KIF13A: variants seen among roughly 807,000 people sequenced by gnomAD.
KIF13A encodes the protein kinesin-like protein KIF13A.
A neutral mutation model predicts 212.2 loss-of-function variants in KIF13A; 79 were observed. The ratio of observed to expected loss-of-function variants is 0.37; its 90% CI spans 0.31 to 0.45. KIF13A has a LOEUF of 0.45. Among genes scored for constraint, KIF13A ranks in the 20% least tolerant of loss-of-function variants. The probability of loss-of-function intolerance (pLI) is 1.00; values close to 1 mark genes in which losing one functional copy is unlikely to be tolerated. For missense variants in KIF13A, 1,901 were observed against 2,209.0 expected, an observed-to-expected ratio of 0.86 and a Z score of 2.79; for synonymous variants, 789 against 808.6, an observed-to-expected ratio of 0.98 and a Z score of 0.41.
chr6:17,878,840 C>G (rs1250316106), intron 3 of KIF13A, among the ~76,000 whole-genome samples: 2 of 152,062 alleles, frequency 1.3e-5, no homozygotes, highest in Non-Finnish European at 2.9e-5. Flanking sequence ...ATATTAAAAC[C>G]CTGCAGATGA....
At chr6:17,975,119 A>G (rs1780208687) in intron 2 of KIF13A, among the ~76,000 whole-genome samples, 2 of 152,320 alleles carry the variant, frequency 1.3e-5, no homozygotes, top group South Asian at 4.1e-4. Flanking sequence ...AGAGGAGGGC[A>G]GATCATTTGA....
rs1242475248 is a variant in KIF13A, at chr6:17,829,193, C to T, written c.1402-823G>A. On this transcript the variant is annotated intron_variant, in intron 13 of 38. Transcript: ENST00000259711. The surrounding 1 kb of genome is among the most constrained non-coding windows in gnomAD (Gnocchi z 5.4). Reference sequence around the variant, plus strand: ...AACTCCTGGCCTCAAGTGATCCGCCCGCCTTGGTCTCCCAAAGTTCTGGGA... The same window carrying T: ...AACTCCTGGCCTCAAGTGATCCGCCTGCCTTGGTCTCCCAAAGTTCTGGGA... Among the ~76,000 whole-genome samples, 3 of 152,140 alleles carry T rather than the reference C, an allele frequency of 2.0e-5. No homozygotes were observed. The highest frequency in any genetic ancestry group is 1.9e-4 in the East Asian group (1 of 5,188).
intron 34 of KIF13A, 99 bp from the exon 35 acceptor site, chr6:17,775,161 T>G: frequency 1.2e-6 from 1 of 860,716 alleles, no homozygotes; most frequent in Non-Finnish European, 1.8e-6. Flanking sequence ...AAGCCTGCAG[T>G]CTTCATTCTT....
At chr6:17,812,441 C>G (rs1047736992) in intron 17 of KIF13A, 1 of 152,144 alleles carries the variant, frequency 6.6e-6, no homozygotes, top group Non-Finnish European at 1.5e-5. Flanking sequence ...ATCTGGTGTT[C>G]TGTTCCTGCA....
At chr6:17,859,620 T>TTTTATATATATATATA (rs1485260645) in intron 4 of KIF13A, among the ~76,000 whole-genome samples, 6 of 131,556 alleles carry the variant, frequency 4.6e-5, no homozygotes, top group Non-Finnish European at 8.1e-5. Context: ...GCAATGTATT[T>TTTTATATATATATATA]TATATATATA....
rs550575546 is a variant in KIF13A at position 17,870,840 on chromosome 6, C to T, written c.220+2537G>A. Among the ~76,000 whole-genome samples, 5 of 152,244 alleles carry T rather than the reference C, an allele frequency of 3.3e-5. No homozygotes were observed. In the South Asian group the frequency reaches 1.0e-3, roughly 32 times the overall value. ...CACCATGGCTCTGTATCTTCCTTTA[C>T]GGAAAAGTCAAATGAAAATATCATT... On this transcript the variant is annotated intron_variant, in intron 4 of 38. Coordinates refer to ENST00000259711, the MANE Select transcript of KIF13A (RefSeq NM_022113.6).
intron 2 of KIF13A, among the ~76,000 whole-genome samples, chr6:17,941,259 G>C (rs1776936097): frequency 6.6e-6 from 1 of 152,094 alleles, no homozygotes; most frequent in Non-Finnish European, 1.5e-5. Context: ...AAATAGCCTG[G>C]TGCTATGAAC....
In KIF13A at chr6:17,870,234, T is replaced by C. The variant is rs753221731; in HGVS notation, c.220+3143A>G. On this transcript the variant is annotated intron_variant, in intron 4 of 38. Coordinates refer to ENST00000259711, the MANE Select transcript of KIF13A (RefSeq NM_022113.6). ...CCCAAATTTTTTAAGTAGACAGTGC[T>C]CTATGAGCTGGCAGAAGCCAATTTC... 3.9e-4 allele frequency among the ~76,000 whole-genome samples: 59 copies of C among 152,172 alleles called. 1 individual carries two copies. The highest frequency in any genetic ancestry group is 7.5e-4 in the Non-Finnish European group (51 of 68,024).
intron 3 of KIF13A, among the ~76,000 whole-genome samples, 198 bp from the exon 4 acceptor site, chr6:17,873,635 T>C (rs1361257305): frequency 1.3e-5 from 2 of 152,200 alleles, no homozygotes; most frequent in Non-Finnish European, 2.9e-5. Flanking sequence ...TCATCCAGGC[T>C]GGAGTGCAGT....
chr6:17,833,711 C>T (rs1371118311), intron 12 of KIF13A, among the ~76,000 whole-genome samples: 2 of 151,620 alleles, frequency 1.3e-5, no homozygotes, highest in Non-Finnish European at 2.9e-5. Context: ...TAAAAATTAG[C>T]CAGGCATGGT....
intron 2 of KIF13A, among the ~76,000 whole-genome samples, chr6:17,978,647 T>C (rs1363182807): frequency 6.6e-6 from 1 of 152,250 alleles, no homozygotes; most frequent in East Asian, 1.9e-4. Flanking sequence ...TTCTCTGCTC[T>C]TCTTCCAGGG....
In KIF13A at chr6:17,769,892, C is replaced by A. The variant is rs1759339352; in HGVS notation, c.4581+1222G>T. ...AGCTATTAATGTGCGGATTCTTCTCCATCAGGAACTAGGACAGGGCTTTGG... is the reference window on the plus strand; with the variant it reads ...AGCTATTAATGTGCGGATTCTTCTCAATCAGGAACTAGGACAGGGCTTTGG... On this transcript the variant is annotated intron_variant, in intron 38 of 38. Coordinates refer to ENST00000259711, the MANE Select transcript of KIF13A (RefSeq NM_022113.6). The surrounding 1 kb of genome is among the most constrained non-coding windows in gnomAD (Gnocchi z 5.8). 6.6e-6 allele frequency among the ~76,000 whole-genome samples: 1 copy of A among 152,034 alleles called. No individual in the cohort carries two copies. The highest frequency in any genetic ancestry group is 6.6e-5 in the Admixed American group (1 of 15,258).
chr6:17,828,616 C>T lies in KIF13A; in HGVS notation c.1402-246G>A, dbSNP rs143698675. Among the ~76,000 whole-genome samples the T allele has an allele frequency of 6.0e-3, 915 of 152,180 alleles. 12 individuals carry two copies. Among genetic ancestry groups the T allele is most frequent in the African/African-American group, 0.02 (847 of 41,526 alleles). ...AACAATGATTAGTTATTGTTTTTAA[C>T]ACAGGAAATTGGACTTGACAGTAGA... On this transcript the variant is annotated intron_variant, in intron 13 of 38. Transcript: ENST00000259711. This position sits in a 1 kb window ranked among gnomAD's most constrained non-coding sequence, Gnocchi z 4.3.
chr6:17,950,001 G>T (rs1257401502), intron 2 of KIF13A, among the ~76,000 whole-genome samples: 1 of 152,080 alleles, frequency 6.6e-6, no homozygotes, highest in African/African-American at 2.4e-5. Context: ...CCTAAACAAA[G>T]ACTTGTACTG....
At chr6:17,804,811 TAAAAAAAAAAAAA>T (rs56785510) in intron 19 of KIF13A, among the ~76,000 whole-genome samples, 2,902 of 23,386 alleles carry the variant, frequency 0.12, 140 homozygotes, top group South Asian at 0.34. Flanking sequence ...CTGTCTCCAT[TAAAAAAAAAAAAA>T]AAAAAAAAAA....
rs780050836 is a variant in KIF13A, at chr6:17,967,455, T to C, written c.146+19599A>G. On this transcript the variant is annotated intron_variant, in intron 2 of 38. Transcript: ENST00000259711. The surrounding 1 kb of genome is among the most constrained non-coding windows in gnomAD (Gnocchi z 4.1). ...AAAGCTATATTAAAAACAAAGTTCT[T>C]ATGAATAAAGAAAGAGAGAACTCAT... Among the ~76,000 whole-genome samples, 1 of 152,204 alleles carries C rather than the reference T, an allele frequency of 6.6e-6. No individual in the cohort carries two copies. The highest frequency in any genetic ancestry group is 1.5e-5 in the Non-Finnish European group (1 of 68,036).
rs202026754 is a variant in KIF13A at position 17,799,990 on chromosome 6, C to A, written c.2578G>T (p.Gly860Trp). The A allele has an allele frequency of 1.9e-6, 3 of 1,613,830 alleles. No individual in the cohort carries two copies. Among genetic ancestry groups the A allele is most frequent in the East Asian group, 4.5e-5 (2 of 44,894 alleles). Residue 860 changes from glycine (G) to tryptophan (W), a missense_variant, in exon 21 of 39, where the codon GGG (glycine) becomes TGG (tryptophan). By Grantham distance (184) the Gly-to-Trp change is radical. Transcript: ENST00000259711. The surrounding 1 kb of genome is among the most constrained non-coding windows in gnomAD (Gnocchi z 4.4). ...TTTTTGACTCGGTGAATGATTTCCCCGCTGCTGTCTACGACTTCAAGGCTC... is the reference window on the plus strand; with the variant it reads ...TTTTTGACTCGGTGAATGATTTCCCAGCTGCTGTCTACGACTTCAAGGCTC... ...SGSLEVVDSS[G>W]EIIHRVKKLT...
rs932368271 is a variant in KIF13A, at chr6:17,968,237, A to G, written c.146+18817T>C. On this transcript the variant is annotated intron_variant, in intron 2 of 38. Transcript: ENST00000259711. The surrounding 1 kb of genome is among the most constrained non-coding windows in gnomAD (Gnocchi z 4.7). ...TTACTCACCAGGAGAAAGAAGAGTAAGCAGGCCAGCAGCCCTGCCACTCAC... is the reference window on the plus strand; with the variant it reads ...TTACTCACCAGGAGAAAGAAGAGTAGGCAGGCCAGCAGCCCTGCCACTCAC... 1.6e-4 allele frequency among the ~76,000 whole-genome samples: 24 copies of G among 152,326 alleles called. No individual in the cohort carries two copies. The highest frequency in any genetic ancestry group is 5.8e-4 in the African/African-American group (24 of 41,574).
rs913781932 is a variant in KIF13A at position 17,915,653 on chromosome 6, T to G, written c.147-17473A>C. Among the ~76,000 whole-genome samples, 16 of 151,978 alleles carry G rather than the reference T, an allele frequency of 1.1e-4. No homozygotes were observed. Among genetic ancestry groups the G allele is most frequent in the Admixed American group, 2.0e-4 (3 of 15,258 alleles). On this transcript the variant is annotated intron_variant, in intron 2 of 38. Coordinates refer to ENST00000259711, the MANE Select transcript of KIF13A (RefSeq NM_022113.6). The surrounding 1 kb of genome is among the most constrained non-coding windows in gnomAD (Gnocchi z 4.4). ...AGTTTCAATGTCACATCGAGTTGAA[T>G]CACCAGGACAGGAAAATTACAGTTC...
Sources: gnomAD v4.1 joint callset for allele counts (sites outside exome capture counted in the v4.1 genomes callset) on GRCh38, gnomAD v4.1.1 for gene constraint, Gnocchi (gnomAD v3.1) non-coding constraint, MANE v1.5 for transcripts, NCBI Gene and HGNC (gene_info 2026-07-23, HGNC 2026-07-21) for gene names.